ANKRD61: variants seen among roughly 807,000 people sequenced by gnomAD.
The protein encoded by ANKRD61 is ankyrin repeat domain-containing protein 61.
In ANKRD61, 7 loss-of-function variants were observed where a neutral mutation model predicts 8.4. That is an observed-to-expected ratio of 0.84 (90% CI 0.48 to 1.57). The LOEUF (loss-of-function observed/expected upper bound fraction) is 1.57. ANKRD61 is among the 40% of genes most tolerant of loss of function. The pLI, the probability that ANKRD61 is intolerant of heterozygous loss-of-function variation, is 0.00. For synonymous variants in ANKRD61, 198 were observed against 208.0 expected (o/e 0.95, Z 0.41); for missense variants, 516 against 523.4 (o/e 0.99, Z 0.14).
At chr7:6,031,836 T>G (rs1787920996) in intron 1 of ANKRD61, among the ~76,000 whole-genome samples, 1 of 152,122 alleles carries the variant, frequency 6.6e-6, no homozygotes, top group South Asian at 2.1e-4. Flanking sequence ...ATGTCATCTC[T>G]CAAACATACC....
chr7:6,035,690 G>A lies in ANKRD61; in HGVS notation c.561G>A (p.Leu187=). 6.4e-7 allele frequency: 1 copy of A among 1,550,564 alleles called. No individual in the cohort carries two copies. Among genetic ancestry groups the A allele is most frequent in the Non-Finnish European group, 8.7e-7 (1 of 1,147,064 alleles). The change falls in exon 3 of 3, where the codon TTG becomes TTA. Residue 187 remains leucine, a synonymous_variant. Coordinates refer to ENST00000409061, the MANE Select transcript of ANKRD61 (RefSeq NM_001271700.2). This position sits in a 1 kb window ranked among gnomAD's most constrained non-coding sequence, Gnocchi z 5.5. ...AYGCYPVLSI[L]TQNGADVNAI... ...GTTGCTATCCAGTTCTCTCCATTTT[G>A]ACCCAAAATGGTGCCGATGTCAATG...
In ANKRD61 at chr7:6,035,169, A is replaced by G. The variant is rs1583482577; in HGVS notation, c.315-275A>G. Among the ~76,000 whole-genome samples, 1 of 151,904 alleles carries G rather than the reference A, an allele frequency of 6.6e-6. No individual in the cohort carries two copies. The highest frequency in any genetic ancestry group is 6.6e-5 in the Admixed American group (1 of 15,248). On this transcript the variant is annotated intron_variant, in intron 2 of 2. Coordinates refer to ENST00000409061, the MANE Select transcript of ANKRD61 (RefSeq NM_001271700.2). This position sits in a 1 kb window ranked among gnomAD's most constrained non-coding sequence, Gnocchi z 5.5. ...CAAGAAGCTGGGCCTTCTTCACAAC[A>G]TTGTATAAAAGTGAAAATAATTTTT...
At position 6,036,440 on chromosome 7, in the gene ANKRD61, T is replaced by C. The variant is rs1324354401; in HGVS notation, c.*54T>C. 10 of 1,327,032 alleles carry C rather than the reference T, an allele frequency of 7.5e-6. No individual in the cohort carries two copies. The highest frequency in any genetic ancestry group is 9.9e-6 in the Non-Finnish European group (10 of 1,005,346). 82.2% of individuals were successfully genotyped at this position (1,327,032 alleles called of 1,614,324 possible). On this transcript the variant is annotated 3_prime_UTR_variant, in exon 3 of 3. Transcript: ENST00000409061. This position sits in a 1 kb window ranked among gnomAD's most constrained non-coding sequence, Gnocchi z 4.6. Reference sequence around the variant, plus strand: ...GGACTTTCAGCCACTCAAACTGCATTTTCTGGCTAGACATGTCCCAGAAAA... The same window carrying C: ...GGACTTTCAGCCACTCAAACTGCATCTTCTGGCTAGACATGTCCCAGAAAA...
At chr7:6,031,697 T>A in intron 1 of ANKRD61, 106 bp downstream of exon 1, 4 of 1,079,738 alleles carry the variant, frequency 3.7e-6, no homozygotes, top group South Asian at 3.0e-5. Flanking sequence ...CTTATGAGAA[T>A]GAGACACGAC....
Position 6,035,557 on chromosome 7 carries a change from A to G in ANKRD61, c.428A>G (p.Asn143Ser). ...RTHRILTDIQ[N>S]SSITCLRILC... is the part of the protein sequence containing the mutation. ...CACAGGATCCTGACAGACATTCAGA[A>G]TAGCAGCATCACATGTCTCCGCATC... The change falls in exon 3 of 3, where the codon AAT (asparagine) becomes AGT (serine). Residue 143 changes from asparagine to serine, a missense_variant. Transcript: ENST00000409061. This position sits in a 1 kb window ranked among gnomAD's most constrained non-coding sequence, Gnocchi z 5.5. 6.4e-7 allele frequency: 1 copy of G among 1,551,228 alleles called. No individual in the cohort carries two copies.
Position 6,036,522 on chromosome 7 carries a change from G to C in ANKRD61, c.*136G>C. 1 of 511,632 alleles carries C rather than the reference G, an allele frequency of 2.0e-6. No homozygotes were observed. The highest frequency in any genetic ancestry group is 3.1e-6 in the Non-Finnish European group (1 of 320,514). The allele number at this position is 511,632 out of a possible 1,614,324, so 31.7% of individuals were successfully genotyped here. A position where few individuals can be genotyped will look rare whatever the true frequency, so the allele number is the denominator to read the frequency against. ...GTACAAACTACTGATTCTTGAACATGTTCCAAAATACAAAGTGATTTGTCT... is the reference window on the plus strand; with the variant it reads ...GTACAAACTACTGATTCTTGAACATCTTCCAAAATACAAAGTGATTTGTCT... On this transcript the variant is annotated 3_prime_UTR_variant, in exon 3 of 3. Transcript: ENST00000409061. This position sits in a 1 kb window ranked among gnomAD's most constrained non-coding sequence, Gnocchi z 4.6.
At chr7:6,034,176 G>A (rs1340370554) in intron 2 of ANKRD61, among the ~76,000 whole-genome samples, 9 of 151,684 alleles carry the variant, frequency 5.9e-5, no homozygotes, top group South Asian at 2.1e-4. Context: ...GCGTGGTGGC[G>A]GGCGCCTGTA....
rs1442116725 is a variant in ANKRD61, at chr7:6,036,349, C to G, written c.1220C>G (p.Ser407Cys). 6 of 1,523,500 alleles carry G rather than the reference C, an allele frequency of 3.9e-6. No individual in the cohort carries two copies. Among genetic ancestry groups the G allele is most frequent in the Non-Finnish European group, 5.3e-6 (6 of 1,136,400 alleles). The allele number at this position is 1,523,500 out of a possible 1,614,324, so 94.4% of individuals were successfully genotyped here. ...KQFLPVTIWN[S>C]VYCCYDLAYT... Reference sequence around the variant, plus strand: ...TTCCTCCCAGTGACAATATGGAATTCTGTCTACTGCTGTTATGACTTGGCA... The same window carrying G: ...TTCCTCCCAGTGACAATATGGAATTGTGTCTACTGCTGTTATGACTTGGCA... Residue 407 changes from serine to cysteine, a missense_variant, in exon 3 of 3, where the codon TCT becomes TGT. Ser to Cys is a moderately radical substitution (Grantham distance 112). Coordinates refer to ENST00000409061, the MANE Select transcript of ANKRD61 (RefSeq NM_001271700.2). This position sits in a 1 kb window ranked among gnomAD's most constrained non-coding sequence, Gnocchi z 4.6.
Position 6,036,224 on chromosome 7 carries a change from C to T in ANKRD61, c.1095C>T (p.Thr365=), listed in dbSNP as rs775470778. Residue 365 remains threonine (T), a synonymous_variant, in exon 3 of 3, where the codon ACC becomes ACT. Coordinates refer to ENST00000409061, the MANE Select transcript of ANKRD61 (RefSeq NM_001271700.2). This position sits in a 1 kb window ranked among gnomAD's most constrained non-coding sequence, Gnocchi z 4.6. The part of the protein sequence containing the change: ...MLPEFRLLRD[T]LIKQSQKPLS... ...CAGAATTCCGCCTCTTAAGGGACAC[C>T]CTAATAAAGCAATCGCAAAAACCTT... 1 of 1,550,000 alleles carries T rather than the reference C, an allele frequency of 6.5e-7. No homozygotes were observed. Among genetic ancestry groups the T allele is most frequent in the South Asian group, 1.2e-5 (1 of 84,028 alleles).
chr7:6,034,965 C>T (rs1044462398), intron 2 of ANKRD61, among the ~76,000 whole-genome samples: 9 of 152,070 alleles, frequency 5.9e-5, no homozygotes, highest in Admixed American at 2.6e-4. Flanking sequence ...AACGGGAGTT[C>T]GGGCCTTCAC....
chr7:6,034,055 C>T lies in ANKRD61; in HGVS notation c.314+1119C>T, dbSNP rs1354791051. Among the ~76,000 whole-genome samples, 3 of 151,844 alleles carry T rather than the reference C, an allele frequency of 2.0e-5. No individual in the cohort carries two copies. The South Asian group carries it at 6.3e-4, about 32-fold the overall frequency. On this transcript the variant is annotated intron_variant, in intron 2 of 2. Coordinates refer to ENST00000409061, the MANE Select transcript of ANKRD61 (RefSeq NM_001271700.2). Reference sequence around the variant, plus strand: ...AGTATAGGCCGGGCGCGGTGGCTCACGCCTGTAATCCCAGCACCATGGGAG... The same window carrying T: ...AGTATAGGCCGGGCGCGGTGGCTCATGCCTGTAATCCCAGCACCATGGGAG...
chr7:6,036,436 G>T lies in ANKRD61; in HGVS notation c.*50G>T. The T allele has an allele frequency of 7.5e-7, 1 of 1,326,926 alleles. No individual in the cohort carries two copies. Among genetic ancestry groups the T allele is most frequent in the Non-Finnish European group, 9.9e-7 (1 of 1,006,396 alleles). The allele number at this position is 1,326,926 out of a possible 1,614,324, so 82.2% of individuals were successfully genotyped here. ...AGAGGGACTTTCAGCCACTCAAACTGCATTTTCTGGCTAGACATGTCCCAG... is the reference window on the plus strand; with the variant it reads ...AGAGGGACTTTCAGCCACTCAAACTTCATTTTCTGGCTAGACATGTCCCAG... On this transcript the variant is annotated 3_prime_UTR_variant, in exon 3 of 3. Coordinates refer to ENST00000409061, the MANE Select transcript of ANKRD61 (RefSeq NM_001271700.2). This position sits in a 1 kb window ranked among gnomAD's most constrained non-coding sequence, Gnocchi z 4.6.
In ANKRD61 at chr7:6,031,575, G is replaced by A; in HGVS notation, c.200G>A (p.Arg67Lys). The A allele has an allele frequency of 1.9e-6, 3 of 1,550,758 alleles. No homozygotes were observed. Among genetic ancestry groups the A allele is most frequent in the Non-Finnish European group, 2.6e-6 (3 of 1,146,998 alleles). Residue 67 changes from arginine (R) to lysine (K), a missense_variant, in exon 1 of 3, where the codon AGA (arginine) becomes AAA (lysine). Coordinates refer to ENST00000409061, the MANE Select transcript of ANKRD61 (RefSeq NM_001271700.2). ...ITILPNSASNRLLLTQPTESI... is the reference protein window; with the variant it reads ...ITILPNSASNKLLLTQPTESI... Reference sequence around the variant, plus strand: ...ATTCTGCCCAACTCCGCCAGCAACAGATTACTTCTGACCCAGGTACCCTCT... The same window carrying A: ...ATTCTGCCCAACTCCGCCAGCAACAAATTACTTCTGACCCAGGTACCCTCT...
At position 6,035,839 on chromosome 7, in the gene ANKRD61, C is replaced by A; in HGVS notation, c.710C>A (p.Thr237Lys). 3 of 1,548,606 alleles carry A rather than the reference C, an allele frequency of 1.9e-6. No homozygotes were observed. Among genetic ancestry groups the A allele is most frequent in the South Asian group, 2.4e-5 (2 of 83,766 alleles). The change falls in exon 3 of 3, where the codon ACG (threonine) becomes AAG (lysine). Residue 237 changes from threonine to lysine, a missense_variant. By Grantham distance (78) the Thr-to-Lys change is moderately conservative. Transcript: ENST00000409061. The surrounding 1 kb of genome is among the most constrained non-coding windows in gnomAD (Gnocchi z 5.5). Reference sequence around the variant, plus strand: ...TGTGCTGTCTCTTCCACGGGGAACACGCCCCTGAAGCTTGCAGTGTGCACT... The same window carrying A: ...TGTGCTGTCTCTTCCACGGGGAACAAGCCCCTGAAGCTTGCAGTGTGCACT... ...VNCAVSSTGN[T>K]PLKLAVCTAS...
Position 6,033,057 on chromosome 7 carries a change from T to C in ANKRD61, c.314+121T>C. On this transcript the variant is annotated intron_variant, in intron 2 of 2. Coordinates refer to ENST00000409061, the MANE Select transcript of ANKRD61 (RefSeq NM_001271700.2). The surrounding 1 kb of genome is among the most constrained non-coding windows in gnomAD (Gnocchi z 4.4). ...AATCTCGCCTCACTGCAACCTCTAC[T>C]TCCTGGGTTCAAGAGCTTCTCCCAC... is the stretch of plus-strand genomic sequence containing the variant. The C allele has an allele frequency of 1.3e-6, 1 of 787,766 alleles. No individual in the cohort carries two copies. Among genetic ancestry groups the C allele is most frequent in the Non-Finnish European group, 2.0e-6 (1 of 512,216 alleles). The allele number at this position is 787,766 out of a possible 1,614,324, so 48.8% of individuals were successfully genotyped here.
intron 2 of ANKRD61, among the ~76,000 whole-genome samples, chr7:6,034,682 T>A (rs958916663): frequency 6.6e-6 from 1 of 152,202 alleles, no homozygotes; most frequent in African/African-American, 2.4e-5. Context: ...AACAAATCTA[T>A]GTGAACTAAA....
Position 6,035,610 on chromosome 7 carries a change from A to G in ANKRD61, c.481A>G (p.Thr161Ala), listed in dbSNP as rs983896220. 1.8e-5 allele frequency: 28 copies of G among 1,550,880 alleles called. No homozygotes were observed. The highest frequency in any genetic ancestry group is 2.4e-5 in the Non-Finnish European group (27 of 1,147,074). ...GTGTGCGCACGGAGCTCAAGTGAAC[A>G]CTCAAGGGGAAATCAGCAACAAACG... ...ILCAHGAQVN[T>A]QGEISNKRSP... The change falls in exon 3 of 3, where the codon ACT becomes GCT. Residue 161 changes from threonine (T) to alanine (A), a missense_variant. Coordinates refer to ENST00000409061, the MANE Select transcript of ANKRD61 (RefSeq NM_001271700.2). The surrounding 1 kb of genome is among the most constrained non-coding windows in gnomAD (Gnocchi z 5.5).
chr7:6,031,666 G>A, intron 1 of ANKRD61, 75 bp downstream of exon 1: 1 of 1,434,362 alleles, frequency 7.0e-7, no homozygotes, highest in Non-Finnish European at 9.5e-7. Flanking sequence ...TAAAGCTGGT[G>A]AACCCACTAA....
rs1470847867 is a variant in ANKRD61 at position 6,033,913 on chromosome 7, C to T, written c.314+977C>T. The stretch of plus-strand genomic sequence containing the variant: ...TATTACTCTCCACTAGAAGGTAAGC[C>T]GCATGAAAGAGAAGTTGACCTTGTG... On this transcript the variant is annotated intron_variant, in intron 2 of 2. Transcript: ENST00000409061. The surrounding 1 kb of genome is among the most constrained non-coding windows in gnomAD (Gnocchi z 4.4). Among the ~76,000 whole-genome samples the T allele has an allele frequency of 3.3e-5, 5 of 152,046 alleles. No homozygotes were observed. The highest frequency in any genetic ancestry group is 3.9e-4 in the East Asian group (2 of 5,168).
Sources: gnomAD v4.1 joint callset for allele counts (sites outside exome capture counted in the v4.1 genomes callset) on GRCh38, gnomAD v4.1.1 for gene constraint, Gnocchi (gnomAD v3.1) non-coding constraint, MANE v1.5 for transcripts, NCBI Gene and HGNC (gene_info 2026-07-23, HGNC 2026-07-21) for gene names.